Variants in DENND2A observed in about 807,000 individuals in gnomAD.
DENND2A encodes the protein DENN domain containing 2A.
A neutral mutation model predicts 105.3 loss-of-function variants in DENND2A; 53 were observed. The observed-to-expected ratio is 0.50, with a 90% CI of 0.40 to 0.63. DENND2A has a LOEUF of 0.63. DENND2A is among the 30% of genes least tolerant of loss of function. The pLI, the probability that DENND2A is intolerant of heterozygous loss-of-function variation, is 0.00. For missense variants in DENND2A, 1,138 were observed against 1,279.6 expected, an observed-to-expected ratio of 0.89 and a Z score of 1.69; for synonymous variants, 522 against 508.4, an observed-to-expected ratio of 1.03 and a Z score of -0.36.
intron 8 of DENND2A, among the ~76,000 whole-genome samples, chr7:140,567,668 C>A (rs540537316): frequency 1.3e-4 from 20 of 152,234 alleles, no homozygotes; most frequent in African/African-American, 4.6e-4. Context: ...CCTCCCCTCA[C>A]CCATTTCCCT....
At chr7:140,641,093 T>G (rs1801188663), upstream of DENND2A, among the ~76,000 whole-genome samples, 1 of 151,966 alleles carries the variant, frequency 6.6e-6, no homozygotes, top group South Asian at 2.1e-4. Flanking sequence ...GGCTTAGACC[T>G]GGACGTCCAA....
rs1797515563 is a variant in DENND2A at position 140,559,255 on chromosome 7, C to T, written c.1889+453G>A. Among the ~76,000 whole-genome samples the T allele has an allele frequency of 6.6e-6, 1 of 152,140 alleles. No homozygotes were observed. The highest frequency in any genetic ancestry group is 6.5e-5 in the Admixed American group (1 of 15,272). ...TGAGCCACCCTCAAGGAACGCGGTACCCCTTAAAGACAGGACCCGCAGCCT... is the reference window on the plus strand; with the variant it reads ...TGAGCCACCCTCAAGGAACGCGGTATCCCTTAAAGACAGGACCCGCAGCCT... On this transcript the variant is annotated intron_variant, in intron 10 of 19. Coordinates refer to ENST00000496613, the MANE Select transcript of DENND2A (RefSeq NM_015689.5). The surrounding 1 kb of genome is among the most constrained non-coding windows in gnomAD (Gnocchi z 4.1).
chr7:140,520,371 T>C (rs1260196223), intron 18 of DENND2A, among the ~76,000 whole-genome samples: 1 of 151,758 alleles, frequency 6.6e-6, no homozygotes, highest in Non-Finnish European at 1.5e-5. Context: ...GCTCTCCCAT[T>C]TCCCTGCATT....
At chr7:140,577,399 CTT>C (rs60840763) in intron 5 of DENND2A, among the ~76,000 whole-genome samples, 24 of 141,946 alleles carry the variant, frequency 1.7e-4, no homozygotes, top group Admixed American at 1.4e-4. Flanking sequence ...AAAACTTTTT[CTT>C]TTTTTTTTTT....
intron 11 of DENND2A, 59 bp from the exon 12 acceptor site, chr7:140,555,772 A>T: frequency 6.8e-7 from 1 of 1,474,138 alleles, no homozygotes; most frequent in Non-Finnish European, 9.2e-7. Context: ...GAAGAAAGGA[A>T]CCCACATGTT....
At chr7:140,519,577 C>A in intron 19 of DENND2A, 55 bp downstream of exon 19, 5 of 1,536,840 alleles carry the variant, frequency 3.3e-6, no homozygotes, top group Non-Finnish European at 4.5e-6. Flanking sequence ...GCTGGGACTC[C>A]GAGACAGACA....
At chr7:140,576,441 A>G (rs1365398430) in intron 5 of DENND2A, among the ~76,000 whole-genome samples, 1 of 151,980 alleles carries the variant, frequency 6.6e-6, no homozygotes, top group Admixed American at 6.6e-5. Context: ...ATTTTGTGAT[A>G]TGTTCATCTA....
At chr7:140,537,428 TA>T (rs925276259) in intron 14 of DENND2A, among the ~76,000 whole-genome samples, 3 of 152,212 alleles carry the variant, frequency 2.0e-5, no homozygotes, top group African/African-American at 4.8e-5. Context: ...TACAAACATA[TA>T]AGTCAATTTC....
In DENND2A at chr7:140,587,530, G is replaced by A. The variant is rs1456824072; in HGVS notation, c.1123+123C>T. ...CCTGCTTTTTCATCCGAGTGCACAGGTGTCTTCAAGTGTGTGTGTGTGTAC... is the reference window on the plus strand; with the variant it reads ...CCTGCTTTTTCATCCGAGTGCACAGATGTCTTCAAGTGTGTGTGTGTGTAC... On this transcript the variant is annotated intron_variant, in intron 4 of 19. Transcript: ENST00000496613. 6.0e-6 allele frequency: 8 copies of A among 1,335,652 alleles called. No homozygotes were observed. The Admixed American group carries it at 1.5e-4, about 25-fold the overall frequency. The allele number at this position is 1,335,652 out of a possible 1,614,324, so 82.7% of individuals were successfully genotyped here.
intron 1 of DENND2A, among the ~76,000 whole-genome samples, chr7:140,634,453 G>A (rs1012579641): frequency 2.0e-5 from 3 of 152,038 alleles, no homozygotes; most frequent in Non-Finnish European, 4.4e-5. Flanking sequence ...GTTTTGCCCC[G>A]AATATTTTAT....
intron 3 of DENND2A, among the ~76,000 whole-genome samples, chr7:140,597,362 G>A (rs1490802038): frequency 6.6e-6 from 1 of 152,156 alleles, no homozygotes; most frequent in African/African-American, 2.4e-5. Context: ...CAAAGAGGGT[G>A]GTGCGTCTGC....
Position 140,521,918 on chromosome 7 carries a change from T to G in DENND2A, c.2848A>C (p.Met950Leu), listed in dbSNP as rs757214468. 2 of 1,614,184 alleles carry G rather than the reference T, an allele frequency of 1.2e-6. No homozygotes were observed. Among genetic ancestry groups the G allele is most frequent in the East Asian group, 2.2e-5 (1 of 44,878 alleles). Residue 950 changes from methionine (M) to leucine (L), a missense_variant, in exon 18 of 20, where the codon ATG becomes CTG. Physicochemically the swap from Met to Leu is conservative, Grantham distance 15 (BLOSUM62 2). This residue lies in a region of DENND2A where 627 missense variants were observed against 779.8 expected (regional missense o/e 0.80). Coordinates refer to ENST00000496613, the MANE Select transcript of DENND2A (RefSeq NM_015689.5). The part of the protein sequence containing the change: ...KSLRHFLEVF[M>L]ETQMFRGFIQ... ...AAGCCCCGAAACATCTGAGTCTCCA[T>G]GAAGACCTCCAGGAAGTGGCGGAGG...
intron 16 of DENND2A, among the ~76,000 whole-genome samples, 174 bp downstream of exon 16, chr7:140,525,577 C>T (rs1457815782): frequency 1.3e-5 from 2 of 152,174 alleles, no homozygotes; most frequent in Non-Finnish European, 2.9e-5. Flanking sequence ...CAAACCCTTC[C>T]TTTTTGCCCC....
At chr7:140,605,238 G>A (rs1203633165) in intron 2 of DENND2A, among the ~76,000 whole-genome samples, 2 of 152,280 alleles carry the variant, frequency 1.3e-5, no homozygotes, top group African/African-American at 4.8e-5. Context: ...AGACTGGGGT[G>A]CAGAGCTAAG....
rs941120018 is a variant in DENND2A, at chr7:140,527,084, A to AG, written c.2505+233dup. 6.6e-6 allele frequency among the ~76,000 whole-genome samples: 1 copy of AG among 152,174 alleles called. No individual in the cohort carries two copies. Among genetic ancestry groups the AG allele is most frequent in the African/African-American group, 2.4e-5 (1 of 41,440 alleles). On this transcript the variant is annotated intron_variant, in intron 15 of 19. Coordinates refer to ENST00000496613, the MANE Select transcript of DENND2A (RefSeq NM_015689.5). This position sits in a 1 kb window ranked among gnomAD's most constrained non-coding sequence, Gnocchi z 4.9. Reference sequence around the variant, plus strand: ...ATTGTTCATTGCTGACCTTCTCAAGAGGTGCTCATACCAGGCATTTCATTT... The same window carrying AG: ...ATTGTTCATTGCTGACCTTCTCAAGAGGGTGCTCATACCAGGCATTTCATTT...
chr7:140,623,046 C>T (rs1358289146), intron 1 of DENND2A, among the ~76,000 whole-genome samples: 1 of 152,014 alleles, frequency 6.6e-6, no homozygotes, highest in African/African-American at 2.4e-5. Flanking sequence ...TCAAGAAGTC[C>T]CTCTCCGGCT....
chr7:140,628,382 C>T (rs1156933205), intron 1 of DENND2A, among the ~76,000 whole-genome samples: 1 of 152,176 alleles, frequency 6.6e-6, no homozygotes, highest in Non-Finnish European at 1.5e-5. Context: ...ACCAGCGCAG[C>T]TTGCTCTGCC....
intron 12 of DENND2A, among the ~76,000 whole-genome samples, chr7:140,553,504 T>C (rs558040210): frequency 1.3e-5 from 2 of 152,296 alleles, no homozygotes; most frequent in African/African-American, 4.8e-5. Flanking sequence ...CTTATACTAA[T>C]GCTCCTCAGC....
chr7:140,618,910 T>C (rs373482244), intron 1 of DENND2A, among the ~76,000 whole-genome samples: 2 of 152,310 alleles, frequency 1.3e-5, no homozygotes, highest in East Asian at 1.9e-4. Flanking sequence ...GCCATTCTCC[T>C]GCCTCAGCCT....
Sources: allele counts gnomAD v4.1 joint callset (sites outside exome capture counted in the v4.1 genomes callset), GRCh38; gene constraint gnomAD v4.1.1; regional missense constraint gnomAD v4.1.1; non-coding constraint Gnocchi (gnomAD v3.1); transcripts MANE v1.5; gene names NCBI Gene and HGNC (gene_info 2026-07-23, HGNC 2026-07-21).